Variants in MFAP1 observed in about 807,000 individuals in gnomAD.
The protein encoded by MFAP1 is microfibrillar-associated protein 1.
A neutral mutation model predicts 62.2 loss-of-function variants in MFAP1; 18 were observed. The observed-to-expected ratio is 0.29, with a 90% confidence interval of 0.20 to 0.43. The LOEUF is 0.43. Ranked by LOEUF, MFAP1 falls within the 20% of genes least tolerant of loss-of-function variation. The probability of loss-of-function intolerance (pLI) is 1.00; values close to 1 mark genes in which losing one functional copy is unlikely to be tolerated. For missense variants in MFAP1, 355 were observed against 559.7 expected (o/e 0.63, Z 3.69); for synonymous variants, 175 against 180.4 (o/e 0.97, Z 0.24).
intron 1 of MFAP1, among the ~76,000 whole-genome samples, chr15:43,824,131 A>G (rs1015536149): frequency 6.6e-6 from 1 of 151,388 alleles, no homozygotes; most frequent in Non-Finnish European, 1.5e-5. Context: ...GTGATATTAT[A>G]TTCTAATCAT....
chr15:43,824,597 A>T lies in MFAP1; in HGVS notation c.-28T>A, dbSNP rs1235953212. On this transcript the variant is annotated 5_prime_UTR_variant, in exon 1 of 9. Transcript: ENST00000267812. Reference sequence around the variant, plus strand: ...TGATGGCAGCGACGGTGATTCCCGAAACTTGACTAATTCCAAACAGTGAAC... The same window carrying T: ...TGATGGCAGCGACGGTGATTCCCGATACTTGACTAATTCCAAACAGTGAAC... 8 of 1,613,102 alleles carry T rather than the reference A, an allele frequency of 5.0e-6. No homozygotes were observed. In the South Asian group the frequency reaches 8.8e-5, roughly 18 times the overall value.
chr15:43,812,302 T>A (rs572770998), intron 6 of MFAP1, among the ~76,000 whole-genome samples: 1 of 152,240 alleles, frequency 6.6e-6, no homozygotes, highest in African/African-American at 2.4e-5. Flanking sequence ...TTGCTGCTCC[T>A]CCTCTGCAGA....
intron 6 of MFAP1, 36 bp downstream of exon 6, chr15:43,812,951 T>C: frequency 6.2e-7 from 1 of 1,608,462 alleles, no homozygotes. Flanking sequence ...CCTGTTCCAT[T>C]AGCAGCATTA....
At chr15:43,808,910 AGTCTT>A in intron 7 of MFAP1, among the ~76,000 whole-genome samples, 1 of 152,220 alleles carries the variant, frequency 6.6e-6, no homozygotes, top group Non-Finnish European at 1.5e-5. Flanking sequence ...TTTTGATCTT[AGTCTT>A]TATATGAAAA....
intron 1 of MFAP1, among the ~76,000 whole-genome samples, chr15:43,824,173 C>CAT (rs954048414): frequency 4.6e-5 from 7 of 150,802 alleles, no homozygotes; most frequent in East Asian, 1.9e-4. Context: ...TATATTCTAG[C>CAT]ATATATATAT....
chr15:43,816,309 G>C (rs1476855894), intron 2 of MFAP1, among the ~76,000 whole-genome samples: 1 of 145,082 alleles, frequency 6.9e-6, no homozygotes, highest in Non-Finnish European at 1.5e-5. Context: ...GCAGTGGCGT[G>C]ATCTCGGCTC....
chr15:43,805,052 C>T lies in MFAP1; in HGVS notation c.*42G>A, dbSNP rs764877494. On this transcript the variant is annotated 3_prime_UTR_variant, in exon 9 of 9. Transcript: ENST00000267812. ...CCAAATCAAGGACCAGATGCTGAGA[C>T]TCCCCTTGTGTTCCACAGTTGGAAG... 2 of 1,522,206 alleles carry T rather than the reference C, an allele frequency of 1.3e-6. No homozygotes were observed. The highest frequency in any genetic ancestry group is 1.8e-6 in the Non-Finnish European group (2 of 1,129,098). The allele number at this position is 1,522,206 out of a possible 1,614,324, so 94.3% of individuals were successfully genotyped here. A position where few individuals can be genotyped will look rare whatever the true frequency, so the allele number is the denominator to read the frequency against.
intron 7 of MFAP1, among the ~76,000 whole-genome samples, chr15:43,807,656 T>C (rs1244965870): frequency 6.6e-6 from 1 of 151,864 alleles, no homozygotes; most frequent in Non-Finnish European, 1.5e-5. Context: ...CCCAAAATTA[T>C]ACATCTTAAA....
chr15:43,806,589 C>T (rs1003727301), intron 7 of MFAP1, among the ~76,000 whole-genome samples: 1 of 152,280 alleles, frequency 6.6e-6, no homozygotes, highest in Non-Finnish European at 1.5e-5. Flanking sequence ...GAATACAACA[C>T]CTAGGCTGGG....
intron 1 of MFAP1, among the ~76,000 whole-genome samples, chr15:43,823,380 T>A (rs1456767235): frequency 2.7e-5 from 4 of 150,250 alleles, no homozygotes; most frequent in African/African-American, 7.5e-5. Flanking sequence ...TGCAGAACTT[T>A]CTTTTTTTTT....
rs2087391161 is a variant in MFAP1, at chr15:43,810,359, C to T, written c.888-445G>A. On this transcript the variant is annotated intron_variant, in intron 6 of 8. Coordinates refer to ENST00000267812, the MANE Select transcript of MFAP1 (RefSeq NM_005926.3). ...ACCATCATTAATTAGATTGCAGTAA[C>T]TTTTTTTTTTTTTTTTCTTTTTGGT... Among the ~76,000 whole-genome samples, 5 of 142,958 alleles carry T rather than the reference C, an allele frequency of 3.5e-5. No individual in the cohort carries two copies. The South Asian group carries it at 1.1e-3, about 32-fold the overall frequency. 93.8% of individuals were successfully genotyped at this position (142,958 alleles called of 152,430 possible). A position where few individuals can be genotyped will look rare whatever the true frequency, so the allele number is the denominator to read the frequency against.
At chr15:43,823,363 T>C (rs1228606820) in intron 1 of MFAP1, among the ~76,000 whole-genome samples, 1 of 151,790 alleles carries the variant, frequency 6.6e-6, no homozygotes, top group Admixed American at 6.6e-5. Flanking sequence ...GGCTAGAGAA[T>C]GACAATTGCA....
intron 1 of MFAP1, among the ~76,000 whole-genome samples, chr15:43,822,464 G>A (rs990842817): frequency 1.7e-4 from 26 of 152,048 alleles, no homozygotes; most frequent in Admixed American, 3.9e-4. Context: ...ACCTCCACCT[G>A]CCGGGTTCAA....
Position 43,813,150 on chromosome 15 carries a change from G to T in MFAP1, c.727-3C>A. On this transcript the variant is annotated splice_polypyrimidine_tract_variant and splice_region_variant and intron_variant, in intron 5 of 8. Transcript: ENST00000267812. ...TTTTTGGTTTCCTCTTCGACAATCT[G>T]GATAGGGAGAACAATTCAGCTTGGA... 1 of 1,614,028 alleles carries T rather than the reference G, an allele frequency of 6.2e-7. No individual in the cohort carries two copies. The highest frequency in any genetic ancestry group is 1.1e-5 in the South Asian group (1 of 91,068).
In MFAP1 at chr15:43,813,157, G is replaced by A. The variant is rs746077647; in HGVS notation, c.727-10C>T. Reference sequence around the variant, plus strand: ...TTTCCTCTTCGACAATCTGGATAGGGAGAACAATTCAGCTTGGACTTCCTT... The same window carrying A: ...TTTCCTCTTCGACAATCTGGATAGGAAGAACAATTCAGCTTGGACTTCCTT... On this transcript the variant is annotated splice_polypyrimidine_tract_variant and intron_variant, in intron 5 of 8. Transcript: ENST00000267812. The A allele has an allele frequency of 6.2e-7, 1 of 1,614,014 alleles. No homozygotes were observed. Among genetic ancestry groups the A allele is most frequent in the South Asian group, 1.1e-5 (1 of 91,058 alleles).
chr15:43,818,756 A>G (rs1441725292), intron 1 of MFAP1, among the ~76,000 whole-genome samples: 1 of 152,004 alleles, frequency 6.6e-6, no homozygotes, highest in East Asian at 1.9e-4. Flanking sequence ...ACATAGTGGT[A>G]TATGCCTGTG....
In MFAP1 at chr15:43,809,024, T is replaced by C. The variant is rs116256043; in HGVS notation, c.1047+731A>G. Among the ~76,000 whole-genome samples, 1,089 of 152,356 alleles carry C rather than the reference T, an allele frequency of 7.1e-3. 17 individuals are homozygous for C. Among genetic ancestry groups the C allele is most frequent in the African/African-American group, 0.025 (1,031 of 41,586 alleles). On this transcript the variant is annotated intron_variant, in intron 7 of 8. Coordinates refer to ENST00000267812, the MANE Select transcript of MFAP1 (RefSeq NM_005926.3). ...TCAGTTCAGAATGAAGTGAACTAAC[T>C]TTCTGCCACCCAAAAGTGAATTAAT...
chr15:43,814,504 C>A lies in MFAP1; in HGVS notation c.614G>T (p.Arg205Leu). 6.2e-7 allele frequency: 1 copy of A among 1,604,818 alleles called. No homozygotes were observed. The highest frequency in any genetic ancestry group is 8.5e-7 in the Non-Finnish European group (1 of 1,174,626). The change falls in exon 4 of 9, where the codon CGA (arginine) becomes CTA (leucine). Residue 205 changes from arginine (R) to leucine (L), a missense_variant. By Grantham distance (102) the Arg-to-Leu change is moderately radical. Transcript: ENST00000267812. ...MEPRLKPVFI[R>L]KKDRVTVQER... ...ATCTGGCTTGTGAGATACTTACTTT[C>A]GAATGAAGACTGGCTTAAGGCGAGG...
Position 43,815,029 on chromosome 15 carries a change from C to T in MFAP1, c.345G>A (p.Glu115=). The change falls in exon 3 of 9, where the codon GAG becomes GAA. Residue 115 remains glutamate (E), a synonymous_variant. Coordinates refer to ENST00000267812, the MANE Select transcript of MFAP1 (RefSeq NM_005926.3). Reference sequence around the variant, plus strand: ...CATCTCCTTCTACTTCTGAGTCACTCTCTCCTACCACTTCAGGTTCCACTA... The same window carrying T: ...CATCTCCTTCTACTTCTGAGTCACTTTCTCCTACCACTTCAGGTTCCACTA... ...RKIVEPEVVG[E]SDSEVEGDAW... 1 of 1,614,218 alleles carries T rather than the reference C, an allele frequency of 6.2e-7. No individual in the cohort carries two copies. The highest frequency in any genetic ancestry group is 1.6e-4 in the Middle Eastern group (1 of 6,062).
Sources: gnomAD v4.1 joint callset for allele counts (sites outside exome capture counted in the v4.1 genomes callset) on GRCh38, gnomAD v4.1.1 for gene constraint, MANE v1.5 for transcripts, NCBI Gene and HGNC (gene_info 2026-07-23, HGNC 2026-07-21) for gene names.